Variants in DLGAP1 observed in about 807,000 individuals in gnomAD.
DLGAP1 encodes the protein disks large-associated protein 1.
DLGAP1 carries 11 observed loss-of-function variants against 90.8 expected under a neutral mutation model. That is an observed-to-expected ratio of 0.12 (90% CI 0.08 to 0.20). The LOEUF is 0.20. Ranked by LOEUF, DLGAP1 falls within the 10% of genes least tolerant of loss-of-function variation. The probability of loss-of-function intolerance (pLI) is 1.00; values close to 1 mark genes in which losing one functional copy is unlikely to be tolerated. For synonymous variants in DLGAP1, 558 were observed against 540.7 expected (o/e 1.03, Z -0.44); for missense variants, 1,050 against 1,333.8 (o/e 0.79, Z 3.31).
rs1214136037 is a variant in DLGAP1, at chr18:3,711,055, A to G, written c.1591+18080T>C. Among the ~76,000 whole-genome samples, 1 of 152,252 alleles carries G rather than the reference A, an allele frequency of 6.6e-6. No individual in the cohort carries two copies. Among genetic ancestry groups the G allele is most frequent in the African/African-American group, 2.4e-5 (1 of 41,474 alleles). On this transcript the variant is annotated intron_variant, in intron 7 of 12. Transcript: ENST00000315677. This position sits in a 1 kb window ranked among gnomAD's most constrained non-coding sequence, Gnocchi z 4.0. ...CAGTGCGTCTGCAACAGAAGAGTCC[A>G]GAAACACGACAGAGGAAGTCAGAGA...
intron 7 of DLGAP1, among the ~76,000 whole-genome samples, chr18:3,716,599 G>A (rs1489172139): frequency 6.6e-6 from 1 of 151,896 alleles, no homozygotes; most frequent in Non-Finnish European, 1.5e-5. Flanking sequence ...GAAAACTAAA[G>A]TATAAGGAGA....
chr18:4,140,845 A>C (rs1228031660), intron 2 of DLGAP1, among the ~76,000 whole-genome samples: 1 of 151,972 alleles, frequency 6.6e-6, no homozygotes, highest in Admixed American at 6.6e-5. Flanking sequence ...AGCACTTTAA[A>C]TATGTCATGC....
intron 1 of DLGAP1, among the ~76,000 whole-genome samples, chr18:4,364,084 T>G (rs2081697669): frequency 6.6e-6 from 1 of 151,630 alleles, no homozygotes; most frequent in Non-Finnish European, 1.5e-5. Context: ...CCATAAAAAA[T>G]GATGAGTTCA....
At chr18:4,198,173 A>C (rs1261578409) in intron 1 of DLGAP1, among the ~76,000 whole-genome samples, 1 of 152,204 alleles carries the variant, frequency 6.6e-6, no homozygotes, top group African/African-American at 2.4e-5. Context: ...GTGAGCCGAG[A>C]TCGTGCCACT....
intron 5 of DLGAP1, among the ~76,000 whole-genome samples, chr18:3,806,551 A>T (rs2066571084): frequency 6.6e-6 from 1 of 152,218 alleles, no homozygotes; most frequent in African/African-American, 2.4e-5. Flanking sequence ...TGAATAAATG[A>T]GTGAGTGAGT....
At chr18:4,410,674 A>C (rs916593952) in intron 1 of DLGAP1, among the ~76,000 whole-genome samples, 6 of 124,066 alleles carry the variant, frequency 4.8e-5, no homozygotes, top group African/African-American at 1.9e-4. Flanking sequence ...TCAGACATAC[A>C]ATTCCCCCCA....
intron 10 of DLGAP1, among the ~76,000 whole-genome samples, chr18:3,523,780 G>A (rs560006571): frequency 2.8e-4 from 42 of 151,746 alleles, no homozygotes; most frequent in Middle Eastern, 3.4e-3. Context: ...CTCAGAAGGC[G>A]GAGCTTGCAG....
intron 1 of DLGAP1, among the ~76,000 whole-genome samples, chr18:4,262,657 C>G (rs942659559): frequency 6.6e-6 from 1 of 152,148 alleles, no homozygotes; most frequent in Non-Finnish European, 1.5e-5. Context: ...CATCCAGGTG[C>G]TACGTGGGCA....
chr18:3,978,067 C>A, intron 3 of DLGAP1: 1 of 384,176 alleles, frequency 2.6e-6, no homozygotes, highest in Non-Finnish European at 5.1e-6. Flanking sequence ...GAGGGGCCAT[C>A]CACAGTTTTC....
At chr18:4,423,977 C>T (rs905735576) in intron 1 of DLGAP1, among the ~76,000 whole-genome samples, 4 of 151,122 alleles carry the variant, frequency 2.6e-5, no homozygotes, top group Admixed American at 1.3e-4. Context: ...CATGGTGAAA[C>T]TCCATCTCTA....
intron 1 of DLGAP1, among the ~76,000 whole-genome samples, chr18:4,278,366 G>A (rs1194005664): frequency 6.6e-6 from 1 of 152,094 alleles, no homozygotes; most frequent in East Asian, 1.9e-4. Flanking sequence ...GGTACAGTCT[G>A]GGCTTCTAGA....
intron 3 of DLGAP1, among the ~76,000 whole-genome samples, chr18:3,953,841 A>G (rs948807390): frequency 6.6e-6 from 1 of 152,222 alleles, no homozygotes; most frequent in East Asian, 1.9e-4. Context: ...CTGATATTTC[A>G]ATCAGTCTGA....
intron 6 of DLGAP1, among the ~76,000 whole-genome samples, chr18:3,732,468 G>GA (rs146733350): frequency 0.085 from 12,977 of 152,140 alleles, 1,771 homozygotes; most frequent in African/African-American, 0.29. Flanking sequence ...AGTTCATATA[G>GA]AATGGTAGGA....
intron 3 of DLGAP1, among the ~76,000 whole-genome samples, chr18:3,974,086 T>TA (rs1034016774): frequency 5.3e-5 from 8 of 152,238 alleles, no homozygotes; most frequent in African/African-American, 1.9e-4. Flanking sequence ...TTTATTTTTT[T>TA]TTTTTTTGAG....
rs149156537 is a variant in DLGAP1, at chr18:4,341,685, A to T, written c.-267+113321T>A. 3.9e-3 allele frequency among the ~76,000 whole-genome samples: 591 copies of T among 152,272 alleles called. 1 individual carries two copies. The highest frequency in any genetic ancestry group is 0.01 in the Admixed American group (159 of 15,300). On this transcript the variant is annotated intron_variant, in intron 1 of 12. Coordinates refer to ENST00000315677, the MANE Select transcript of DLGAP1 (RefSeq NM_004746.4). ...GAAACAAGAAAAGCAGTCCTTACAG[A>T]CTATCAAGAAGTAGGAATAATAGTC...
At chr18:4,097,563 G>A (rs187426835) in intron 2 of DLGAP1, among the ~76,000 whole-genome samples, 13 of 152,262 alleles carry the variant, frequency 8.5e-5, no homozygotes, top group African/African-American at 1.2e-4. Flanking sequence ...TGATTTATCC[G>A]TGTATTCCCT....
At chr18:4,399,110 G>C (rs964416060) in intron 1 of DLGAP1, among the ~76,000 whole-genome samples, 13 of 152,292 alleles carry the variant, frequency 8.5e-5, no homozygotes, top group African/African-American at 2.4e-4. Context: ...GATTACAGGC[G>C]TGAGCCACCG....
At chr18:3,800,732 A>G (rs917700682) in intron 5 of DLGAP1, among the ~76,000 whole-genome samples, 3 of 152,170 alleles carry the variant, frequency 2.0e-5, no homozygotes, top group Admixed American at 1.3e-4. Context: ...ATATTTTGTA[A>G]TAATAAAAAA....
chr18:3,718,773 A>G (rs1011153817), intron 7 of DLGAP1, among the ~76,000 whole-genome samples: 2 of 152,092 alleles, frequency 1.3e-5, no homozygotes, highest in Admixed American at 1.3e-4. Flanking sequence ...TAAAAATACA[A>G]AAATTAGCTG....
Sources: gnomAD v4.1 joint callset for allele counts (sites outside exome capture counted in the v4.1 genomes callset) on GRCh38, gnomAD v4.1.1 for gene constraint, Gnocchi (gnomAD v3.1) non-coding constraint, MANE v1.5 for transcripts, NCBI Gene and HGNC (gene_info 2026-07-23, HGNC 2026-07-21) for gene names.